ERFL: variants seen among roughly 807,000 people sequenced by gnomAD.
The protein encoded by ERFL is ETS domain-containing transcription factor ERF-like.
ERFL carries 8 observed loss-of-function variants against 27.9 expected under a neutral mutation model. That is an observed-to-expected ratio of 0.29 (90% CI 0.17 to 0.52). ERFL has a LOEUF of 0.52. ERFL is among the 20% of genes least tolerant of loss of function. ERFL has a pLI of 0.97. For missense variants in ERFL, 294 were observed against 444.4 expected, an observed-to-expected ratio of 0.66 and a Z score of 3.04; for synonymous variants, 174 against 202.8, an observed-to-expected ratio of 0.86 and a Z score of 1.21.
In ERFL at chr19:41,925,607, AGT is replaced by A. The variant is rs782298999; in HGVS notation, c.-14+2431_-14+2432del. ...CAGGGAAAGCCATGAGGAGGGTACT[AGT>A]GTGTGGATTGGTGATCAGGTGGTGC... On this transcript the variant is annotated intron_variant, in intron 1 of 5. Coordinates refer to ENST00000597630, the MANE Select transcript of ERFL (RefSeq NM_001365103.2). Among the ~76,000 whole-genome samples, 13 of 152,178 alleles carry A rather than the reference AGT, an allele frequency of 8.5e-5. No homozygotes were observed. In the East Asian group the frequency reaches 1.4e-3, roughly 16 times the overall value.
In ERFL at chr19:41,912,943, C is replaced by T. The variant is rs1599672647; in HGVS notation, c.-13-11G>A. On this transcript the variant is annotated splice_polypyrimidine_tract_variant and intron_variant, in intron 1 of 5. Coordinates refer to ENST00000597630, the MANE Select transcript of ERFL (RefSeq NM_001365103.2). The stretch of plus-strand genomic sequence containing the variant: ...ATGGCGGAGCCGGCCCTGCAGAGGC[C>T]GGGAGGGACACACGGGGACGGGGTG... The T allele has an allele frequency of 7.5e-6, 9 of 1,206,904 alleles. No individual in the cohort carries two copies. In the East Asian group the frequency reaches 2.5e-4, roughly 34 times the overall value. 74.8% of individuals were successfully genotyped at this position (1,206,904 alleles called of 1,614,324 possible).
At chr19:41,927,983 T>TGGGGCGGGAATCCCCGCCCCCTCCC (rs2074881821) in intron 1 of ERFL, 57 bp downstream of exon 1, 3 of 150,400 alleles carry the variant, frequency 2.0e-5, no homozygotes, top group Non-Finnish European at 4.4e-5. Flanking sequence ...CGCCCCCTCC[T>TGGGGCGGGAATCCCCGCCCCCTCCC]GGGGCGGGAA....
At chr19:41,926,631 T>C (rs185688279) in intron 1 of ERFL, among the ~76,000 whole-genome samples, 2,110 of 151,612 alleles carry the variant, frequency 0.014, 43 homozygotes, top group African/African-American at 0.045. Flanking sequence ...AGGCGAGGCC[T>C]GGCCTGCTGG....
chr19:41,919,306 A>C (rs2074823483), intron 1 of ERFL, among the ~76,000 whole-genome samples: 1 of 152,188 alleles, frequency 6.6e-6, no homozygotes, highest in Non-Finnish European at 1.5e-5. Context: ...CTTCGGCACA[A>C]GTTCACAGAA....
At chr19:41,922,924 C>T (rs2074850680) in intron 1 of ERFL, among the ~76,000 whole-genome samples, 1 of 152,216 alleles carries the variant, frequency 6.6e-6, no homozygotes, top group Non-Finnish European at 1.5e-5. Context: ...GAGGGGATGC[C>T]TCTGCCCACC....
Position 41,909,843 on chromosome 19 carries a change from A to G in ERFL, c.302+20T>C. The G allele has an allele frequency of 6.3e-7, 1 of 1,587,478 alleles. No individual in the cohort carries two copies. Among genetic ancestry groups the G allele is most frequent in the Non-Finnish European group, 8.6e-7 (1 of 1,165,816 alleles). On this transcript the variant is annotated intron_variant, in intron 3 of 5. Transcript: ENST00000597630. The surrounding 1 kb of genome is among the most constrained non-coding windows in gnomAD (Gnocchi z 5.2). Reference sequence around the variant, plus strand: ...GGGGGAAAAGGACAAGGTGGGATCCAGCCCCAAGCCCTTCCTCACCGCAGG... The same window carrying G: ...GGGGGAAAAGGACAAGGTGGGATCCGGCCCCAAGCCCTTCCTCACCGCAGG...
At chr19:41,923,803 C>T (rs1251139219) in intron 1 of ERFL, among the ~76,000 whole-genome samples, 1 of 3,212 alleles carries the variant, frequency 3.1e-4, no homozygotes, top group African/African-American at 1.7e-3. Flanking sequence ...TCTGGGGAGG[C>T]GGGGGTGTGT....
At chr19:41,918,987 G>A (rs548544823) in intron 1 of ERFL, among the ~76,000 whole-genome samples, 75 of 142,222 alleles carry the variant, frequency 5.3e-4, no homozygotes, top group African/African-American at 1.6e-3. Context: ...CACACACACC[G>A]CATATACACC....
At chr19:41,914,079 A>ACC (rs71181141) in intron 1 of ERFL, among the ~76,000 whole-genome samples, 1 of 137,634 alleles carries the variant, frequency 7.3e-6, no homozygotes, top group African/African-American at 2.8e-5. Context: ...AGCCCCGCCT[A>ACC]CCCCTGGACA....
At chr19:41,920,903 C>CT in intron 1 of ERFL, among the ~76,000 whole-genome samples, 1 of 152,324 alleles carries the variant, frequency 6.6e-6, no homozygotes, top group Admixed American at 6.5e-5. Flanking sequence ...CCACACCCCC[C>CT]TCCCTCTGTC....
intron 2 of ERFL, among the ~76,000 whole-genome samples, chr19:41,912,601 C>T (rs1349118171): frequency 6.6e-6 from 1 of 152,230 alleles, no homozygotes; most frequent in Non-Finnish European, 1.5e-5. Flanking sequence ...CCGTCCTCAC[C>T]CCTCACTCAC....
intron 1 of ERFL, among the ~76,000 whole-genome samples, chr19:41,927,267 G>A (rs1216152683): frequency 6.6e-6 from 1 of 152,106 alleles, no homozygotes; most frequent in Non-Finnish European, 1.5e-5. Context: ...GTGTCCCAGA[G>A]GGCCCCGGCC....
chr19:41,915,347 C>T (rs117694610), intron 1 of ERFL, among the ~76,000 whole-genome samples: 2,651 of 151,544 alleles, frequency 0.017, 36 homozygotes, highest in Non-Finnish European at 0.028. Flanking sequence ...TGTCAGGCCC[C>T]ACAGGGACCT....
chr19:41,914,326 C>T (rs889009976), intron 1 of ERFL, among the ~76,000 whole-genome samples: 1 of 151,356 alleles, frequency 6.6e-6, no homozygotes, highest in Admixed American at 6.6e-5. Context: ...CGTCTCCCCC[C>T]ACCATCTCCC....
In ERFL at chr19:41,909,928, G is replaced by A. The variant is rs567628203; in HGVS notation, c.237C>T (p.Ala79=). Residue 79 remains alanine (A), a synonymous_variant, in exon 3 of 6, where the codon GCC becomes GCT. Coordinates refer to ENST00000597630, the MANE Select transcript of ERFL (RefSeq NM_001365103.2). The surrounding 1 kb of genome is among the most constrained non-coding windows in gnomAD (Gnocchi z 5.2). ...EFVIKDPDEV[A]RLWGIRKCKP... ...TGCATTTGCGAATACCCCACAGCCG[G>A]GCCACCTCATCGGGGTCTTTGATGA... 3 of 1,613,838 alleles carry A rather than the reference G, an allele frequency of 1.9e-6. No individual in the cohort carries two copies. The South Asian group carries it at 3.3e-5, about 18-fold the overall frequency.
chr19:41,912,444 T>C (rs952205927), intron 2 of ERFL, among the ~76,000 whole-genome samples: 1 of 152,222 alleles, frequency 6.6e-6, no homozygotes, highest in African/African-American at 2.4e-5. Context: ...CACGTACCCC[T>C]GACTGGGCAG....
In ERFL at chr19:41,908,213, T is replaced by C. The variant is rs2074729219; in HGVS notation, c.*15A>G. The C allele has an allele frequency of 3.2e-6, 4 of 1,231,652 alleles. No homozygotes were observed. The highest frequency in any genetic ancestry group is 3.1e-4 in the Middle Eastern group (1 of 3,212). The allele number at this position is 1,231,652 out of a possible 1,614,324, so 76.3% of individuals were successfully genotyped here. A position where few individuals can be genotyped will look rare whatever the true frequency, so the allele number is the denominator to read the frequency against. On this transcript the variant is annotated 3_prime_UTR_variant, in exon 6 of 6. Coordinates refer to ENST00000597630, the MANE Select transcript of ERFL (RefSeq NM_001365103.2). This position sits in a 1 kb window ranked among gnomAD's most constrained non-coding sequence, Gnocchi z 6.7. ...CTGGTCCCTGCCTCAGCAGAATCCATTGCCCCCTGCCGGCTCAGCTGCCGG... is the reference window on the plus strand; with the variant it reads ...CTGGTCCCTGCCTCAGCAGAATCCACTGCCCCCTGCCGGCTCAGCTGCCGG...
rs35009020 is a variant in ERFL, at chr19:41,928,397, G to C, written c.-371C>G. 0.32 allele frequency: 48,546 copies of C among 152,818 alleles called. 9,170 individuals carry two copies. The highest frequency in any genetic ancestry group is 0.42 in the Non-Finnish European group (28,829 of 68,608). 9.5% of individuals were successfully genotyped at this position (152,818 alleles called of 1,614,324 possible). Reference sequence around the variant, plus strand: ...GGCTGGAGCTCAGCACAGCGAGCGCGGGCGGGCGCGCGCCGGGGACAGCCT... The same window carrying C: ...GGCTGGAGCTCAGCACAGCGAGCGCCGGCGGGCGCGCGCCGGGGACAGCCT... On this transcript the variant is annotated 5_prime_UTR_variant, in exon 1 of 6. Coordinates refer to ENST00000597630, the MANE Select transcript of ERFL (RefSeq NM_001365103.2).
In ERFL at chr19:41,909,220, C is replaced by G. The variant is rs2074738742; in HGVS notation, c.499-43G>C. The G allele has an allele frequency of 8.1e-7, 1 of 1,231,438 alleles. No homozygotes were observed. Among genetic ancestry groups the G allele is most frequent in the Admixed American group, 4.2e-5 (1 of 23,714 alleles). The allele number at this position is 1,231,438 out of a possible 1,614,324, so 76.3% of individuals were successfully genotyped here. A position where few individuals can be genotyped will look rare whatever the true frequency, so the allele number is the denominator to read the frequency against. On this transcript the variant is annotated intron_variant, in intron 4 of 5. Transcript: ENST00000597630. This position sits in a 1 kb window ranked among gnomAD's most constrained non-coding sequence, Gnocchi z 5.2. ...GAAGCCGCCCTTCTCAGACTGTCCCCTCCCCAGAGTGGGCACCAAGTGCCT... is the reference window on the plus strand; with the variant it reads ...GAAGCCGCCCTTCTCAGACTGTCCCGTCCCCAGAGTGGGCACCAAGTGCCT...
Sources: allele counts gnomAD v4.1 joint callset (sites outside exome capture counted in the v4.1 genomes callset), GRCh38; gene constraint gnomAD v4.1.1; non-coding constraint Gnocchi (gnomAD v3.1); transcripts MANE v1.5; gene names NCBI Gene and HGNC (gene_info 2026-07-23, HGNC 2026-07-21).